The following SIPA1L1 variants were observed in gnomAD, a reference collection of about 807,000 sequenced individuals.
SIPA1L1 encodes signal-induced proliferation-associated 1-like protein 1.
Under a neutral mutation model 162.7 loss-of-function variants are expected in SIPA1L1, and 26 were observed. That is an observed-to-expected ratio of 0.16 (90% CI 0.12 to 0.22). The LOEUF (loss-of-function observed/expected upper bound fraction) is 0.22. Ranked by LOEUF, SIPA1L1 falls within the 10% of genes least tolerant of loss-of-function variation. The pLI, the probability that SIPA1L1 is intolerant of heterozygous loss-of-function variation, is 1.00. For missense variants in SIPA1L1, 1,874 were observed against 2,241.0 expected (o/e 0.84, Z 3.31); for synonymous variants, 829 against 837.4 (o/e 0.99, Z 0.17).
At chr14:71,426,345 T>C (rs2043558269) in intron 2 of SIPA1L1, among the ~76,000 whole-genome samples, 1 of 151,946 alleles carries the variant, frequency 6.6e-6, no homozygotes, top group African/African-American at 2.4e-5. Flanking sequence ...TTGACTTTTG[T>C]ATTTGTTTGT....
intron 4 of SIPA1L1, chr14:71,573,429 G>A (rs1362038580): frequency 2.7e-6 from 1 of 375,926 alleles, no homozygotes; most frequent in Non-Finnish European, 5.3e-6. Context: ...TCAGTGGGTG[G>A]CGCATCAGAA....
chr14:71,405,195 T>A (rs187077063), intron 2 of SIPA1L1, among the ~76,000 whole-genome samples: 1 of 152,300 alleles, frequency 6.6e-6, no homozygotes, highest in East Asian at 1.9e-4. Flanking sequence ...AGTAGATAGA[T>A]TGACCAGGAA....
chr14:71,479,761 T>A (rs2048196899), intron 2 of SIPA1L1, among the ~76,000 whole-genome samples: 1 of 152,092 alleles, frequency 6.6e-6, no homozygotes, highest in Non-Finnish European at 1.5e-5. Flanking sequence ...AGGGTCTCCC[T>A]CTGTCACCCA....
chr14:71,400,405 T>C (rs1351180104), intron 2 of SIPA1L1, among the ~76,000 whole-genome samples: 1 of 152,128 alleles, frequency 6.6e-6, no homozygotes, highest in African/African-American at 2.4e-5. Flanking sequence ...ACATAAAGCA[T>C]TTTTTATTTT....
chr14:71,347,538 C>T (rs994922171), intron 2 of SIPA1L1, among the ~76,000 whole-genome samples: 10 of 152,074 alleles, frequency 6.6e-5, no homozygotes, highest in Admixed American at 2.0e-4. Context: ...TATATAGTAA[C>T]TCTATGCTTA....
At chr14:71,422,990 A>G (rs886259420) in intron 2 of SIPA1L1, among the ~76,000 whole-genome samples, 1 of 151,844 alleles carries the variant, frequency 6.6e-6, no homozygotes, top group Non-Finnish European at 1.5e-5. Flanking sequence ...GCCAATACGT[A>G]TTTTCTGGTT....
At chr14:71,598,900 T>A (rs2036370938) in intron 5 of SIPA1L1, among the ~76,000 whole-genome samples, 1 of 151,898 alleles carries the variant, frequency 6.6e-6, no homozygotes, top group African/African-American at 2.4e-5. Context: ...GCATTAGAAC[T>A]TTTATTGTCT....
chr14:71,499,373 A>G (rs566795839), intron 2 of SIPA1L1, among the ~76,000 whole-genome samples: 1 of 152,266 alleles, frequency 6.6e-6, no homozygotes, highest in African/African-American at 2.4e-5. Context: ...ACAGAGAGAG[A>G]AAAGGAAACT....
At chr14:71,706,102 G>T (rs1048847287) in intron 16 of SIPA1L1, among the ~76,000 whole-genome samples, 4 of 152,130 alleles carry the variant, frequency 2.6e-5, no homozygotes, top group African/African-American at 9.7e-5. Flanking sequence ...AACTTTAAAT[G>T]AGAGATGCAT....
intron 2 of SIPA1L1, among the ~76,000 whole-genome samples, chr14:71,455,494 G>A (rs1308237991): frequency 6.6e-6 from 1 of 152,024 alleles, no homozygotes; most frequent in African/African-American, 2.4e-5. Flanking sequence ...GATTTAATTG[G>A]TGTGATTTTT....
At chr14:71,325,172 T>A (rs1594812935) in intron 2 of SIPA1L1, among the ~76,000 whole-genome samples, 1 of 152,324 alleles carries the variant, frequency 6.6e-6, no homozygotes, top group East Asian at 1.9e-4. Context: ...CAATCTGACC[T>A]TCTATCTGCT....
At chr14:71,411,488 C>A (rs1203042190) in intron 2 of SIPA1L1, among the ~76,000 whole-genome samples, 1 of 152,184 alleles carries the variant, frequency 6.6e-6, no homozygotes, top group East Asian at 1.9e-4. Context: ...CCCCAGTTGT[C>A]TTCTCTCTGT....
At chr14:71,516,268 A>G (rs2051718245) in intron 3 of SIPA1L1, among the ~76,000 whole-genome samples, 1 of 152,228 alleles carries the variant, frequency 6.6e-6, no homozygotes, top group African/African-American at 2.4e-5. Context: ...TTTTGGTTGA[A>G]ATTATGCTGT....
chr14:71,480,359 G>T (rs1249615182), intron 2 of SIPA1L1, among the ~76,000 whole-genome samples: 1 of 151,178 alleles, frequency 6.6e-6, no homozygotes, highest in African/African-American at 2.4e-5. Context: ...AAAGTGTTGG[G>T]ATTACAGGCG....
chr14:71,574,943 A>T (rs963796274), intron 4 of SIPA1L1: 13 of 151,774 alleles, frequency 8.6e-5, no homozygotes, highest in East Asian at 3.9e-4. Context: ...CATAGTTTTT[A>T]AAAAAAACTG....
At position 71,661,445 on chromosome 14, in the gene SIPA1L1, T is replaced by C. The variant is rs1304785189; in HGVS notation, c.2233T>C (p.Cys745Arg). The C allele has an allele frequency of 4.3e-6, 7 of 1,614,024 alleles. No homozygotes were observed. Among genetic ancestry groups the C allele is most frequent in the Non-Finnish European group, 5.9e-6 (7 of 1,179,930 alleles). ...CGTCATCGTCAGGGTGCACAATCCG[T>C]GCTCTGACAGTGTCTGTTATAGGTG... ...VFVIVRVHNP[C>R]SDSVCYSVAV... The change falls in exon 10 of 24, where the codon TGC becomes CGC. Residue 745 changes from cysteine to arginine, a missense_variant. Transcript: ENST00000381232.
At chr14:71,652,066 A>T (rs2042666590) in intron 8 of SIPA1L1, among the ~76,000 whole-genome samples, 1 of 152,156 alleles carries the variant, frequency 6.6e-6, no homozygotes, top group Non-Finnish European at 1.5e-5. Flanking sequence ...AGAAGGATTC[A>T]AAGAATCCTT....
intron 1 of SIPA1L1, among the ~76,000 whole-genome samples, chr14:71,320,918 GC>G (rs1566880029): frequency 6.6e-6 from 1 of 151,732 alleles, no homozygotes; most frequent in East Asian, 2.0e-4. Context: ...CGGGAGCTCG[GC>G]CCCCGCCGGC....
intron 5 of SIPA1L1, among the ~76,000 whole-genome samples, chr14:71,593,281 C>T (rs781385823): frequency 3.1e-4 from 47 of 152,130 alleles, no homozygotes; most frequent in South Asian, 6.2e-4. Flanking sequence ...GCACGATCTC[C>T]GCTCACTGCA....
Sources: gnomAD v4.1 joint callset for allele counts (sites outside exome capture counted in the v4.1 genomes callset) on GRCh38, gnomAD v4.1.1 for gene constraint, MANE v1.5 for transcripts, NCBI Gene and HGNC (gene_info 2026-07-23, HGNC 2026-07-21) for gene names.